The following TRIM45 variants were observed in gnomAD, a reference collection of about 807,000 sequenced individuals.
TRIM45 encodes the protein E3 ubiquitin-protein ligase TRIM45.
A neutral mutation model predicts 46.7 loss-of-function variants in TRIM45; 45 were observed. That is an observed-to-expected ratio of 0.96 (90% CI 0.76 to 1.24). TRIM45 has a LOEUF of 1.24. TRIM45 is among the 50% of genes most tolerant of loss of function. The probability of loss-of-function intolerance (pLI) is 0.00; values close to 1 mark genes in which losing one functional copy is unlikely to be tolerated. For missense variants in TRIM45, 680 were observed against 728.4 expected (o/e 0.93, Z 0.77); for synonymous variants, 259 against 285.8 (o/e 0.91, Z 0.94).
Position 117,115,072 on chromosome 1 carries a change from T to C in TRIM45, c.1467+503A>G, listed in dbSNP as rs765364295. ...CTTGTTTGGTATATTTGTTTGTTTATAGGAACCATAGTAACAGAAAAACCT... is the reference window on the plus strand; with the variant it reads ...CTTGTTTGGTATATTTGTTTGTTTACAGGAACCATAGTAACAGAAAAACCT... On this transcript the variant is annotated intron_variant, in intron 4 of 5. Transcript: ENST00000256649. This position sits in a 1 kb window ranked among gnomAD's most constrained non-coding sequence, Gnocchi z 4.2. 4.6e-5 allele frequency among the ~76,000 whole-genome samples: 7 copies of C among 152,198 alleles called. No individual in the cohort carries two copies. Among genetic ancestry groups the C allele is most frequent in the African/African-American group, 1.4e-4 (6 of 41,432 alleles).
At position 117,121,628 on chromosome 1, in the gene TRIM45, C is replaced by G; in HGVS notation, c.-427G>C. ...CACCCGCGCACGATGAGGTAGGGGCCCTCTTGCTCCTTCCCTCTGCGAAAG... is the reference window on the plus strand; with the variant it reads ...CACCCGCGCACGATGAGGTAGGGGCGCTCTTGCTCCTTCCCTCTGCGAAAG... On this transcript the variant is annotated 5_prime_UTR_variant, in exon 1 of 6. Coordinates refer to ENST00000256649, the MANE Select transcript of TRIM45 (RefSeq NM_025188.4). The surrounding 1 kb of genome is among the most constrained non-coding windows in gnomAD (Gnocchi z 4.2). 2 of 546,358 alleles carry G rather than the reference C, an allele frequency of 3.7e-6. No homozygotes were observed. Among genetic ancestry groups the G allele is most frequent in the South Asian group, 4.5e-5 (2 of 44,194 alleles). The allele number at this position is 546,358 out of a possible 1,614,324, so 33.8% of individuals were successfully genotyped here. A position where few individuals can be genotyped will look rare whatever the true frequency, so the allele number is the denominator to read the frequency against.
At position 117,120,820 on chromosome 1, in the gene TRIM45, C is replaced by G; in HGVS notation, c.382G>C (p.Gly128Arg). Reference sequence around the variant, plus strand: ...TCACACACCAGGCCCTGGCCTTCCCCACGTAGGCTCTCCAGCATCACATCA... The same window carrying G: ...TCACACACCAGGCCCTGGCCTTCCCGACGTAGGCTCTCCAGCATCACATCA... ...VNDVMLESLR[G>R]EGQGLVCDLC... is the part of the protein sequence containing the mutation. Residue 128 changes from glycine (G) to arginine (R), a missense_variant, in exon 1 of 6, where the codon GGG (glycine) becomes CGG (arginine). Gly to Arg is a moderately radical substitution (Grantham distance 125). Transcript: ENST00000256649. 6.2e-7 allele frequency: 1 copy of G among 1,614,208 alleles called. No homozygotes were observed. Among genetic ancestry groups the G allele is most frequent in the Non-Finnish European group, 8.5e-7 (1 of 1,180,046 alleles).
In TRIM45 at chr1:117,120,700, T is replaced by C; in HGVS notation, c.488+14A>G. The C allele has an allele frequency of 6.3e-7, 1 of 1,584,882 alleles. No individual in the cohort carries two copies. Among genetic ancestry groups the C allele is most frequent in the Non-Finnish European group, 8.6e-7 (1 of 1,163,816 alleles). ...TGCTCTTAAGCTACACCTGATGGAG[T>C]GTCCCATCTTTACCTATGAGCCTGG... On this transcript the variant is annotated intron_variant, in intron 1 of 5. Transcript: ENST00000256649.
At chr1:117,119,635 T>C (rs546222548) in intron 1 of TRIM45, among the ~76,000 whole-genome samples, 1 of 149,458 alleles carries the variant, frequency 6.7e-6, no homozygotes, top group Non-Finnish European at 1.5e-5. Context: ...GAAAAGAAAG[T>C]GTGAAACCAA....
At position 117,117,478 on chromosome 1, in the gene TRIM45, G is replaced by A. The variant is rs1044437626; in HGVS notation, c.1222+556C>T. ...TGTGAAACATATGTTTTAATAATAT[G>A]CTTCCATTAGAAAGGGAACACTCGT... is the stretch of plus-strand genomic sequence containing the variant. On this transcript the variant is annotated intron_variant, in intron 2 of 5. Transcript: ENST00000256649. The surrounding 1 kb of genome is among the most constrained non-coding windows in gnomAD (Gnocchi z 4.9). 9.2e-5 allele frequency among the ~76,000 whole-genome samples: 14 copies of A among 152,216 alleles called. No individual in the cohort carries two copies. The East Asian group carries it at 2.7e-3, about 29-fold the overall frequency.
rs1309110600 is a variant in TRIM45 at position 117,119,644 on chromosome 1, A to T, written c.489-877T>A. ...AAAAGAGAAAAGAAAGTGTGAAACCAATGGTTAGTAGAATCAAAGCTCTCT... is the reference window on the plus strand; with the variant it reads ...AAAAGAGAAAAGAAAGTGTGAAACCTATGGTTAGTAGAATCAAAGCTCTCT... On this transcript the variant is annotated intron_variant, in intron 1 of 5. Transcript: ENST00000256649. 4.6e-5 allele frequency among the ~76,000 whole-genome samples: 7 copies of T among 152,136 alleles called. No homozygotes were observed. The East Asian group carries it at 1.2e-3, about 25-fold the overall frequency.
At chr1:117,120,010 G>T (rs1230017073) in intron 1 of TRIM45, among the ~76,000 whole-genome samples, 1 of 152,120 alleles carries the variant, frequency 6.6e-6, no homozygotes, top group Non-Finnish European at 1.5e-5. Flanking sequence ...CTAGGATGGG[G>T]TAAGGTAAGA....
In TRIM45 at chr1:117,115,530, C is replaced by G. The variant is rs770957202; in HGVS notation, c.1467+45G>C. 1 of 1,325,820 alleles carries G rather than the reference C, an allele frequency of 7.5e-7. No individual in the cohort carries two copies. The highest frequency in any genetic ancestry group is 1.2e-5 in the South Asian group (1 of 84,992). 82.1% of individuals were successfully genotyped at this position (1,325,820 alleles called of 1,614,324 possible). A position where few individuals can be genotyped will look rare whatever the true frequency, so the allele number is the denominator to read the frequency against. On this transcript the variant is annotated intron_variant, in intron 4 of 5. Transcript: ENST00000256649. This position sits in a 1 kb window ranked among gnomAD's most constrained non-coding sequence, Gnocchi z 4.2. ...TGTGAAATGTCTCCAGATCCTAAGACAGTAGAATCCAGGGAGCTCAGGGAA... is the reference window on the plus strand; with the variant it reads ...TGTGAAATGTCTCCAGATCCTAAGAGAGTAGAATCCAGGGAGCTCAGGGAA...
At position 117,117,806 on chromosome 1, in the gene TRIM45, T is replaced by C. The variant is rs1417935204; in HGVS notation, c.1222+228A>G. 6.6e-6 allele frequency among the ~76,000 whole-genome samples: 1 copy of C among 152,170 alleles called. No homozygotes were observed. The highest frequency in any genetic ancestry group is 1.5e-5 in the Non-Finnish European group (1 of 68,014). ...TGTGTGTTTCTCAGCCATTATTACT[T>C]CTCTGAACTGGAAAAGGGTCAAGCC... On this transcript the variant is annotated intron_variant, in intron 2 of 5. Coordinates refer to ENST00000256649, the MANE Select transcript of TRIM45 (RefSeq NM_025188.4). This position sits in a 1 kb window ranked among gnomAD's most constrained non-coding sequence, Gnocchi z 4.9.
rs1307207028 is a variant in TRIM45 at position 117,118,380 on chromosome 1, C to T, written c.876G>A (p.Arg292=). 6.2e-6 allele frequency: 10 copies of T among 1,614,188 alleles called. No homozygotes were observed. Among genetic ancestry groups the T allele is most frequent in the Non-Finnish European group, 6.8e-6 (8 of 1,180,034 alleles). ...CTTCCAGCTGCTTCAGCAGCTTGTC[C>T]CGATGCTCCTCAATGGCCTTAATGT... is the stretch of plus-strand genomic sequence containing the variant. ...EGYIKAIEEH[R]DKLLKQLEDI... The change falls in exon 2 of 6, where the codon CGG becomes CGA. Residue 292 remains arginine, a synonymous_variant. Transcript: ENST00000256649. This position sits in a 1 kb window ranked among gnomAD's most constrained non-coding sequence, Gnocchi z 5.7.
upstream of TRIM45, among the ~76,000 whole-genome samples, chr1:117,123,539 G>A (rs1311027584): frequency 6.6e-6 from 1 of 151,992 alleles, no homozygotes; most frequent in Admixed American, 6.5e-5. Flanking sequence ...GTCTTGGATG[G>A]CCAGCCCAAG....
At chr1:117,119,400 G>T (rs1311272742) in intron 1 of TRIM45, among the ~76,000 whole-genome samples, 1 of 152,198 alleles carries the variant, frequency 6.6e-6, no homozygotes, top group African/African-American at 2.4e-5. Context: ...GAGGTCAGGA[G>T]TTTGAGACCA....
intron 5 of TRIM45, 86 bp from the exon 6 acceptor site, chr1:117,112,539 G>C (rs1043771136): frequency 3.1e-6 from 4 of 1,286,190 alleles, no homozygotes; most frequent in Non-Finnish European, 4.2e-6. Flanking sequence ...TAGACCTCCT[G>C]GCAACATGCA....
chr1:117,118,317 C>T lies in TRIM45; in HGVS notation c.939G>A (p.Gln313=). Reference sequence around the variant, plus strand: ...CCAGTAACTGTTCCAGCTGGGCCTTCTGCAGCTGCAGGGAATTTTCCTTCT... The same window carrying T: ...CCAGTAACTGTTCCAGCTGGGCCTTTTGCAGCTGCAGGGAATTTTCCTTCT... The part of the protein sequence containing the change: ...RAQKENSLQL[Q]KAQLEQLLAD... Residue 313 remains glutamine, a synonymous_variant, in exon 2 of 6, where the codon CAG becomes CAA. Coordinates refer to ENST00000256649, the MANE Select transcript of TRIM45 (RefSeq NM_025188.4). This position sits in a 1 kb window ranked among gnomAD's most constrained non-coding sequence, Gnocchi z 5.7. 2 of 1,614,200 alleles carry T rather than the reference C, an allele frequency of 1.2e-6. No homozygotes were observed. Among genetic ancestry groups the T allele is most frequent in the Non-Finnish European group, 1.7e-6 (2 of 1,180,038 alleles).
intron 1 of TRIM45, among the ~76,000 whole-genome samples, chr1:117,120,347 T>C (rs1650571693): frequency 6.6e-6 from 1 of 152,218 alleles, no homozygotes; most frequent in African/African-American, 2.4e-5. Context: ...GGGCCTGCTT[T>C]TCTGTAAGAG....
At chr1:117,120,429 G>C (rs529503361) in intron 1 of TRIM45, among the ~76,000 whole-genome samples, 1 of 152,308 alleles carries the variant, frequency 6.6e-6, no homozygotes, top group African/African-American at 2.4e-5. Context: ...CCAGCACCCA[G>C]TACAATTATT....
At position 117,117,688 on chromosome 1, in the gene TRIM45, G is replaced by C. The variant is rs1650455322; in HGVS notation, c.1222+346C>G. ...TCCAGGGCCTGCCATGCTCCTCTCT[G>C]AGCAGGCAGAATTTCACCTGGCCCT... is the stretch of plus-strand genomic sequence containing the variant. On this transcript the variant is annotated intron_variant, in intron 2 of 5. Transcript: ENST00000256649. This position sits in a 1 kb window ranked among gnomAD's most constrained non-coding sequence, Gnocchi z 4.9. 6.6e-6 allele frequency among the ~76,000 whole-genome samples: 1 copy of C among 152,126 alleles called. No homozygotes were observed.
At chr1:117,119,451 C>CA (rs1239163786) in intron 1 of TRIM45, among the ~76,000 whole-genome samples, 1 of 151,928 alleles carries the variant, frequency 6.6e-6, no homozygotes, top group Non-Finnish European at 1.5e-5. Flanking sequence ...ACTAAAAATA[C>CA]AAAAAATTAG....
rs1289659 is a variant in TRIM45, at chr1:117,111,959, A to G, written c.*346T>C. The G allele has an allele frequency of 0.048, 7,521 of 157,212 alleles. 215 individuals are homozygous for G. Among genetic ancestry groups the G allele is most frequent in the South Asian group, 0.074 (362 of 4,882 alleles). 9.7% of individuals were successfully genotyped at this position (157,212 alleles called of 1,614,324 possible). On this transcript the variant is annotated 3_prime_UTR_variant, in exon 6 of 6. Coordinates refer to ENST00000256649, the MANE Select transcript of TRIM45 (RefSeq NM_025188.4). ...GAGACTCTGTCTTTAAAAAAAAAAA[A>G]AAAAGAAAAAAAAAGGGTTATATCA...
Sources: allele counts gnomAD v4.1 joint callset (sites outside exome capture counted in the v4.1 genomes callset), GRCh38; gene constraint gnomAD v4.1.1; non-coding constraint Gnocchi (gnomAD v3.1); transcripts MANE v1.5; gene names NCBI Gene and HGNC (gene_info 2026-07-23, HGNC 2026-07-21).